The following DMXL1 variants were observed in gnomAD, a reference collection of about 807,000 sequenced individuals.
DMXL1 encodes dmX-like protein 1.
In DMXL1, 99 loss-of-function variants were observed where a neutral mutation model predicts 319.2. The ratio of observed to expected loss-of-function variants is 0.31; its 90% CI spans 0.26 to 0.37. DMXL1 has a LOEUF of 0.37. DMXL1 is among the 10% of genes least tolerant of loss of function. The pLI is 1.00. For missense variants in DMXL1, 3,745 were observed against 3,595.6 expected (o/e 1.04, Z -1.06); for synonymous variants, 1,385 against 1,235.2 (o/e 1.12, Z -2.54).
Position 119,240,424 on chromosome 5 carries a change from T to C in DMXL1, c.8657T>C (p.Val2886Ala). Residue 2886 changes from valine (V) to alanine (A), a missense_variant, in exon 42 of 44, where the codon GTA becomes GCA. Coordinates refer to ENST00000539542, the MANE Select transcript of DMXL1 (RefSeq NM_001290321.3). ...TAGLSTDNRNVCLWDTLVAPA... is the reference protein window; with the variant it reads ...TAGLSTDNRNACLWDTLVAPA... ...ATCTTTTTTTTTTTTTCCAGAAACG[T>C]ATGTTTGTGGGATACTCTTGTAGCA... 1.3e-6 allele frequency: 2 copies of C among 1,596,886 alleles called. No individual in the cohort carries two copies. The highest frequency in any genetic ancestry group is 1.1e-5 in the South Asian group (1 of 88,658).
chr5:119,120,499 G>A lies in DMXL1; in HGVS notation c.934-472G>A, dbSNP rs138528927. Among the ~76,000 whole-genome samples, 64 of 152,272 alleles carry A rather than the reference G, an allele frequency of 4.2e-4. 1 individual carries two copies. Among genetic ancestry groups the A allele is most frequent in the African/African-American group, 1.5e-3 (62 of 41,560 alleles). On this transcript the variant is annotated intron_variant, in intron 8 of 43. Transcript: ENST00000539542. ...ACAATATTTGCACTGCCTGCCTCAT[G>A]GCATCAAATGGGATGATCTCTATGA...
At chr5:119,153,764 C>G (rs556578771) in intron 19 of DMXL1, among the ~76,000 whole-genome samples, 1 of 152,332 alleles carries the variant, frequency 6.6e-6, no homozygotes, top group South Asian at 2.1e-4. Context: ...TTAAGGCTGA[C>G]TGGTACTCCA....
chr5:119,247,363 CT>C lies in DMXL1; in HGVS notation c.*145del, dbSNP rs1474915437. ...TTTATGGAGCTTTGCCCTTGATGCA[CT>C]GATGCCTTAAAAATTAACAAGGTCA... On this transcript the variant is annotated 3_prime_UTR_variant, in exon 44 of 44. Coordinates refer to ENST00000539542, the MANE Select transcript of DMXL1 (RefSeq NM_001290321.3). 1 of 608,240 alleles carries C rather than the reference CT, an allele frequency of 1.6e-6. No homozygotes were observed. Among genetic ancestry groups the C allele is most frequent in the Non-Finnish European group, 2.8e-6 (1 of 357,826 alleles). 37.7% of individuals were successfully genotyped at this position (608,240 alleles called of 1,614,324 possible). A position where few individuals can be genotyped will look rare whatever the true frequency, so the allele number is the denominator to read the frequency against.
At chr5:119,168,431 CTT>C (rs1196066464) in intron 23 of DMXL1, among the ~76,000 whole-genome samples, 1 of 152,108 alleles carries the variant, frequency 6.6e-6, no homozygotes, top group African/African-American at 2.4e-5. Flanking sequence ...ATGAGATTTA[CTT>C]TTCAGATATG....
intron 25 of DMXL1, among the ~76,000 whole-genome samples, chr5:119,174,737 C>G (rs1360917278): frequency 6.6e-6 from 1 of 152,236 alleles, no homozygotes; most frequent in East Asian, 1.9e-4. Context: ...AAAACAAATG[C>G]CTGACTCCAC....
chr5:119,122,611 T>C (rs1762430469), intron 9 of DMXL1, among the ~76,000 whole-genome samples: 1 of 148,902 alleles, frequency 6.7e-6, no homozygotes, highest in African/African-American at 2.5e-5. Context: ...GCAGAGGGTC[T>C]CCTCACTTCT....
intron 1 of DMXL1, among the ~76,000 whole-genome samples, chr5:119,092,012 G>A (rs1196515173): frequency 6.6e-6 from 1 of 152,152 alleles, no homozygotes; most frequent in African/African-American, 2.4e-5. Context: ...AATATGGTGG[G>A]GAAGCTGGCT....
rs1202452071 is a variant in DMXL1, at chr5:119,093,707, A to T, written c.88-4272A>T. Among the ~76,000 whole-genome samples the T allele has an allele frequency of 2.0e-5, 3 of 152,232 alleles. No individual in the cohort carries two copies. The South Asian group carries it at 6.2e-4, about 31-fold the overall frequency. ...GGCCAAAACCTAGGCCTATTGTGCT[A>T]GTTAGCTGTTGTAAATGCAAAGGGA... On this transcript the variant is annotated intron_variant, in intron 1 of 43. Coordinates refer to ENST00000539542, the MANE Select transcript of DMXL1 (RefSeq NM_001290321.3).
chr5:119,197,137 TTTTAAC>T (rs777062453), intron 31 of DMXL1, among the ~76,000 whole-genome samples: 5 of 152,208 alleles, frequency 3.3e-5, no homozygotes, highest in Non-Finnish European at 5.9e-5. Flanking sequence ...TATTATTTAA[TTTTAAC>T]TTTATGTATT....
chr5:119,142,517 T>TA (rs148846123), intron 13 of DMXL1, among the ~76,000 whole-genome samples: 4,073 of 62,294 alleles, frequency 0.065, 88 homozygotes, highest in African/African-American at 0.077. Context: ...TATTAAAAAG[T>TA]AAAAAAAAAA....
At chr5:119,213,820 A>G (rs1783210360) in intron 34 of DMXL1, among the ~76,000 whole-genome samples, 1 of 152,208 alleles carries the variant, frequency 6.6e-6, no homozygotes, top group African/African-American at 2.4e-5. Flanking sequence ...TTAGTAGTCA[A>G]TTATCTATCT....
At chr5:119,085,156 C>G (rs1227544849) in intron 1 of DMXL1, among the ~76,000 whole-genome samples, 1 of 151,772 alleles carries the variant, frequency 6.6e-6, no homozygotes, top group Non-Finnish European at 1.5e-5. Context: ...TGGTGAAACC[C>G]CGTCTCTATT....
intron 3 of DMXL1, among the ~76,000 whole-genome samples, chr5:119,102,658 G>A (rs1297141933): frequency 6.6e-6 from 1 of 152,166 alleles, no homozygotes; most frequent in Non-Finnish European, 1.5e-5. Flanking sequence ...AGCCAGGCAT[G>A]GTGGCACATG....
intron 38 of DMXL1, among the ~76,000 whole-genome samples, chr5:119,227,207 C>T (rs1055999114): frequency 6.6e-6 from 1 of 152,090 alleles, no homozygotes; most frequent in Non-Finnish European, 1.5e-5. Context: ...CACACTGGGT[C>T]ATTTTTTTTC....
chr5:119,103,736 T>G (rs1757754953), intron 3 of DMXL1, among the ~76,000 whole-genome samples: 1 of 152,186 alleles, frequency 6.6e-6, no homozygotes. Context: ...TTTAAGGCGA[T>G]TACCCCACCC....
At chr5:119,113,396 C>T (rs1387761789) in intron 5 of DMXL1, among the ~76,000 whole-genome samples, 2 of 152,128 alleles carry the variant, frequency 1.3e-5, no homozygotes, top group Non-Finnish European at 2.9e-5. Context: ...GGCATGCCAC[C>T]ACGCCTGGCT....
In DMXL1 at chr5:119,200,000, T is replaced by A. The variant is rs145526482; in HGVS notation, c.7745+2044T>A. On this transcript the variant is annotated intron_variant, in intron 32 of 43. Transcript: ENST00000539542. ...AGACCTTTATCAGGTACATAGAAAG[T>A]ATTTTCTCCCATTTCTGTAGGTTGT... Among the ~76,000 whole-genome samples the A allele has an allele frequency of 4.8e-3, 737 of 152,068 alleles. 10 individuals carry two copies. The highest frequency in any genetic ancestry group is 0.017 in the African/African-American group (697 of 41,530).
chr5:119,099,693 C>T (rs1277204146), intron 2 of DMXL1, among the ~76,000 whole-genome samples: 2 of 152,140 alleles, frequency 1.3e-5, no homozygotes, highest in Non-Finnish European at 2.9e-5. Flanking sequence ...GACTATATGA[C>T]AGTCCAGGTT....
rs748739290 is a variant in DMXL1 at position 119,189,804 on chromosome 5, C to T, written c.7232C>T (p.Ala2411Val). 6 of 1,614,144 alleles carry T rather than the reference C, an allele frequency of 3.7e-6. No homozygotes were observed. The East Asian group carries it at 6.7e-5, about 18-fold the overall frequency. ...TCTGCCCCACTGACCCCTTCCTCGG[C>T]ACCAGTAAGCCAGGAGTCACTGGCG... ...RESAPLTPSS[A>V]PVSQESLAVK... The change falls in exon 29 of 44, where the codon GCA becomes GTA. Residue 2411 changes from alanine to valine, a missense_variant. Transcript: ENST00000539542.
Sources: allele counts gnomAD v4.1 joint callset (sites outside exome capture counted in the v4.1 genomes callset), GRCh38; gene constraint gnomAD v4.1.1; transcripts MANE v1.5; gene names NCBI Gene and HGNC (gene_info 2026-07-23, HGNC 2026-07-21).